The following ADAMTS3 variants were observed in gnomAD, a reference collection of about 807,000 sequenced individuals.
ADAMTS3 encodes the protein ADAM metallopeptidase with thrombospondin type 1 motif 3, also known as A disintegrin and metalloproteinase with thrombospondin motifs 3.
Under a neutral mutation model 129.0 loss-of-function variants are expected in ADAMTS3, and 73 were observed. The observed-to-expected ratio is 0.57, with a 90% CI of 0.47 to 0.69. The LOEUF (loss-of-function observed/expected upper bound fraction) is 0.69, where lower values mean the gene tolerates loss of function less well. Ranked by LOEUF, ADAMTS3 falls within the 30% of genes least tolerant of loss-of-function variation. ADAMTS3 has a pLI of 0.00. For missense variants in ADAMTS3, 1,457 were observed against 1,514.5 expected, an observed-to-expected ratio of 0.96 and a Z score of 0.63; for synonymous variants, 477 against 510.8, an observed-to-expected ratio of 0.93 and a Z score of 0.89.
At chr4:72,427,981 T>C (rs940035368) in intron 3 of ADAMTS3, among the ~76,000 whole-genome samples, 11 of 152,152 alleles carry the variant, frequency 7.2e-5, no homozygotes, top group African/African-American at 2.6e-4. Context: ...TTTAAAAAAA[T>C]GAAATTAAGC....
Position 72,319,563 on chromosome 4 carries a change from C to T in ADAMTS3, c.1209-88G>A, listed in dbSNP as rs543530072. On this transcript the variant is annotated intron_variant, in intron 8 of 21. Transcript: ENST00000286657. ...TTTGAAAATAAGCCCTGGGAAATAA[C>T]GTATTTTTGAGTCAACGTGGCTTTC... The T allele has an allele frequency of 3.7e-4, 539 of 1,463,932 alleles. 2 individuals are homozygous for T. Among genetic ancestry groups the T allele is most frequent in the African/African-American group, 2.5e-3 (179 of 70,408 alleles). 90.7% of individuals were successfully genotyped at this position (1,463,932 alleles called of 1,614,324 possible). A position where few individuals can be genotyped will look rare whatever the true frequency, so the allele number is the denominator to read the frequency against.
At chr4:72,387,451 G>A (rs958500671) in intron 4 of ADAMTS3, among the ~76,000 whole-genome samples, 2 of 152,092 alleles carry the variant, frequency 1.3e-5, no homozygotes, top group African/African-American at 4.8e-5. Flanking sequence ...TTCTTAAATG[G>A]TAAATACCTT....
chr4:72,349,727 TTTG>T (rs1720378660), intron 4 of ADAMTS3, among the ~76,000 whole-genome samples: 3 of 152,008 alleles, frequency 2.0e-5, no homozygotes. Flanking sequence ...TTCATATCTC[TTTG>T]TTATGATGCA....
chr4:72,287,300 T>C (rs1270823450), intron 21 of ADAMTS3, among the ~76,000 whole-genome samples: 2 of 151,406 alleles, frequency 1.3e-5, no homozygotes, highest in East Asian at 2.0e-4. Flanking sequence ...TATTTTGTTA[T>C]AGCAGCTAGA....
intron 4 of ADAMTS3, among the ~76,000 whole-genome samples, chr4:72,391,274 A>T (rs1028618979): frequency 1.3e-5 from 2 of 152,220 alleles, no homozygotes; most frequent in Non-Finnish European, 2.9e-5. Context: ...AAACATATTT[A>T]CTTTGTGTAT....
At chr4:72,338,333 C>T (rs1720042472) in intron 5 of ADAMTS3, among the ~76,000 whole-genome samples, 1 of 152,016 alleles carries the variant, frequency 6.6e-6, no homozygotes. Flanking sequence ...ACATCTATTG[C>T]CAAGGCTAGT....
chr4:72,325,805 A>C (rs1488843001), intron 5 of ADAMTS3, among the ~76,000 whole-genome samples: 1 of 152,130 alleles, frequency 6.6e-6, no homozygotes. Flanking sequence ...AGAAAGTCTT[A>C]GAATAATAAA....
chr4:72,412,880 TATTAAAA>T (rs1722215793), intron 4 of ADAMTS3, among the ~76,000 whole-genome samples: 1 of 152,032 alleles, frequency 6.6e-6, no homozygotes, highest in Non-Finnish European at 1.5e-5. Flanking sequence ...GTGTCTGCAT[TATTAAAA>T]AGAAATTTTA....
In ADAMTS3 at chr4:72,530,005, TA is replaced by T. The variant is rs1435991365; in HGVS notation, c.504+18472del. 1.5e-4 allele frequency among the ~76,000 whole-genome samples: 4 copies of T among 25,922 alleles called. 2 individuals are homozygous for T. Among genetic ancestry groups the T allele is most frequent in the African/African-American group, 5.9e-4 (4 of 6,788 alleles). 17.0% of individuals were successfully genotyped at this position (25,922 alleles called of 152,430 possible). ...TATAATATATTATATTTATATATAA[TA>T]TATAATATATTATATTTATATATAA... is the stretch of plus-strand genomic sequence containing the variant. On this transcript the variant is annotated intron_variant, in intron 3 of 21. Coordinates refer to ENST00000286657, the MANE Select transcript of ADAMTS3 (RefSeq NM_014243.3).
At chr4:72,326,896 G>A (rs1017723968) in intron 5 of ADAMTS3, among the ~76,000 whole-genome samples, 1 of 152,098 alleles carries the variant, frequency 6.6e-6, no homozygotes, top group East Asian at 1.9e-4. Context: ...ATTTCCAGCA[G>A]ATGGCAGTAT....
At chr4:72,363,928 T>C (rs1466059419) in intron 4 of ADAMTS3, among the ~76,000 whole-genome samples, 1 of 151,960 alleles carries the variant, frequency 6.6e-6, no homozygotes, top group Non-Finnish European at 1.5e-5. Flanking sequence ...GCGACGATAA[T>C]GATGATGATG....
intron 3 of ADAMTS3, among the ~76,000 whole-genome samples, chr4:72,432,762 T>C (rs1363654967): frequency 7.2e-6 from 1 of 138,894 alleles, no homozygotes; most frequent in African/African-American, 2.7e-5. Context: ...AACAGATGAG[T>C]AAGTTTTTTC....
At chr4:72,511,363 C>T (rs1720310941) in intron 3 of ADAMTS3, among the ~76,000 whole-genome samples, 1 of 152,114 alleles carries the variant, frequency 6.6e-6, no homozygotes, top group African/African-American at 2.4e-5. Flanking sequence ...AACTGCCCAT[C>T]TGACAAGAGA....
At chr4:72,488,887 T>C (rs1719659948) in intron 3 of ADAMTS3, among the ~76,000 whole-genome samples, 1 of 151,894 alleles carries the variant, frequency 6.6e-6, no homozygotes, top group African/African-American at 2.4e-5. Context: ...CAGAATGTAC[T>C]CATCTAATAA....
At chr4:72,561,424 G>A (rs1289041649) in intron 2 of ADAMTS3, among the ~76,000 whole-genome samples, 1 of 152,092 alleles carries the variant, frequency 6.6e-6, no homozygotes, top group African/African-American at 2.4e-5. Flanking sequence ...AGGATCGCCT[G>A]AGCTGGGGAG....
intron 15 of ADAMTS3, among the ~76,000 whole-genome samples, chr4:72,308,180 A>G (rs1161584597): frequency 6.6e-6 from 1 of 152,040 alleles, no homozygotes; most frequent in Non-Finnish European, 1.5e-5. Context: ...ATACACGTAT[A>G]TAATTATATT....
At chr4:72,411,640 T>A (rs1220210954) in intron 4 of ADAMTS3, among the ~76,000 whole-genome samples, 1 of 152,104 alleles carries the variant, frequency 6.6e-6, no homozygotes, top group Non-Finnish European at 1.5e-5. Context: ...CTCTGGGACA[T>A]GAATATGAAA....
chr4:72,336,085 T>C (rs1339118831), intron 5 of ADAMTS3, among the ~76,000 whole-genome samples: 1 of 152,166 alleles, frequency 6.6e-6, no homozygotes, highest in African/African-American at 2.4e-5. Flanking sequence ...TCATCTCAGT[T>C]CTGATATGGA....
At chr4:72,294,239 T>A (rs1255103842) in intron 19 of ADAMTS3, among the ~76,000 whole-genome samples, 2 of 152,036 alleles carry the variant, frequency 1.3e-5, no homozygotes, top group African/African-American at 4.8e-5. Context: ...ATATGTGGAA[T>A]CTATAAAAGT....
Sources: gnomAD v4.1 joint callset for allele counts (sites outside exome capture counted in the v4.1 genomes callset) on GRCh38, gnomAD v4.1.1 for gene constraint, MANE v1.5 for transcripts, NCBI Gene and HGNC (gene_info 2026-07-23, HGNC 2026-07-21) for gene names.